TAFA2: variants seen among roughly 807,000 people sequenced by gnomAD.
TAFA2 encodes the protein TAFA chemokine like family member 2.
A neutral mutation model predicts 18.8 loss-of-function variants in TAFA2; 7 were observed. That is an observed-to-expected ratio of 0.37 (90% CI 0.21 to 0.70). TAFA2 has a LOEUF of 0.70. Among genes scored for constraint, TAFA2 ranks in the 30% least tolerant of loss-of-function variants. The probability of loss-of-function intolerance (pLI) is 0.53; values close to 1 mark genes in which losing one functional copy is unlikely to be tolerated. For missense variants in TAFA2, 122 were observed against 158.1 expected, an observed-to-expected ratio of 0.77 and a Z score of 1.23; for synonymous variants, 60 against 54.2, an observed-to-expected ratio of 1.11 and a Z score of -0.47.
chr12:62,219,283 G>A (rs1741145270), intron 1 of TAFA2, among the ~76,000 whole-genome samples: 1 of 152,042 alleles, frequency 6.6e-6, no homozygotes, highest in African/African-American at 2.4e-5. Flanking sequence ...ATTAGCTTCG[G>A]TTAAAACTGT....
chr12:62,051,963 C>T (rs899321546), intron 1 of TAFA2, among the ~76,000 whole-genome samples: 1 of 152,052 alleles, frequency 6.6e-6, no homozygotes, highest in Admixed American at 6.5e-5. Context: ...TATGAAAGCA[C>T]TAATAGACAA....
intron 1 of TAFA2, among the ~76,000 whole-genome samples, chr12:62,119,748 C>G (rs1477567232): frequency 6.6e-6 from 1 of 152,100 alleles, no homozygotes; most frequent in Non-Finnish European, 1.5e-5. Context: ...TCTGTTTCTG[C>G]TCCATCATGG....
intron 1 of TAFA2, chr12:62,253,366 C>T (rs2062923752): frequency 6.6e-6 from 1 of 152,208 alleles, no homozygotes; most frequent in Admixed American, 6.5e-5. Context: ...TCTAACATTT[C>T]TTCTTCCTTA....
chr12:61,997,167 ATG>A (rs35419865), intron 1 of TAFA2, among the ~76,000 whole-genome samples: 148 of 145,638 alleles, frequency 1.0e-3, no homozygotes, highest in South Asian at 5.5e-3. Flanking sequence ...ATATGTATAT[ATG>A]TGTGTGTGTG....
chr12:62,117,793 A>C (rs1486858097), intron 1 of TAFA2, among the ~76,000 whole-genome samples: 2 of 152,146 alleles, frequency 1.3e-5, no homozygotes, highest in Non-Finnish European at 2.9e-5. Flanking sequence ...TAGCAACAAA[A>C]TAGAGCCTGC....
At chr12:62,104,733 C>T (rs1444222725) in intron 1 of TAFA2, 5 of 455,130 alleles carry the variant, frequency 1.1e-5, no homozygotes, top group South Asian at 7.8e-5. Flanking sequence ...CACGCTTCAT[C>T]CTAAATTTAC....
chr12:62,089,585 G>A (rs1868621615), intron 1 of TAFA2, among the ~76,000 whole-genome samples: 1 of 151,922 alleles, frequency 6.6e-6, no homozygotes, highest in Admixed American at 6.6e-5. Flanking sequence ...AGCGAGCGAG[G>A]GAGAGAAAGG....
At chr12:61,902,039 C>T (rs1876124681) in intron 1 of TAFA2, among the ~76,000 whole-genome samples, 1 of 146,306 alleles carries the variant, frequency 6.8e-6, no homozygotes, top group African/African-American at 2.6e-5. Flanking sequence ...GAACCTCTGC[C>T]AGTTAAACTA....
chr12:62,220,158 A>C (rs1208819053), intron 1 of TAFA2, among the ~76,000 whole-genome samples: 1 of 152,150 alleles, frequency 6.6e-6, no homozygotes, highest in African/African-American at 2.4e-5. Context: ...GAACAAAGTA[A>C]AAGTCAAATG....
At chr12:61,918,107 C>A (rs994696042) in intron 1 of TAFA2, among the ~76,000 whole-genome samples, 8 of 151,918 alleles carry the variant, frequency 5.3e-5, no homozygotes, top group Non-Finnish European at 1.5e-5. Flanking sequence ...GTAATAATCA[C>A]ATGAGGGTAA....
intron 3 of TAFA2, 142 bp downstream of exon 3, chr12:61,754,730 C>A: frequency 1.3e-6 from 1 of 774,664 alleles, no homozygotes; most frequent in Non-Finnish European, 1.9e-6. Context: ...AAATGCCACC[C>A]AAATATTCTA....
intron 1 of TAFA2, among the ~76,000 whole-genome samples, chr12:62,031,414 G>C (rs1012799256): frequency 6.6e-6 from 1 of 152,122 alleles, no homozygotes; most frequent in South Asian, 2.1e-4. Context: ...GGCTCTCTTT[G>C]CTCCTCAGCC....
chr12:62,042,784 C>T (rs348678), intron 1 of TAFA2, among the ~76,000 whole-genome samples: 1 of 151,830 alleles, frequency 6.6e-6, no homozygotes, highest in African/African-American at 2.4e-5. Flanking sequence ...CCAGCGGGGT[C>T]GCCTGTAAGC....
At chr12:62,084,238 C>A (rs977646716) in intron 1 of TAFA2, among the ~76,000 whole-genome samples, 14 of 152,124 alleles carry the variant, frequency 9.2e-5, no homozygotes, top group African/African-American at 3.4e-4. Context: ...TTTGAGAGCA[C>A]AAAACCACTT....
At chr12:61,819,997 C>T (rs1872252485) in intron 2 of TAFA2, among the ~76,000 whole-genome samples, 1 of 151,940 alleles carries the variant, frequency 6.6e-6, no homozygotes, top group Admixed American at 6.6e-5. Context: ...TTTTGTTAAA[C>T]GTTTAGCTGA....
At chr12:62,010,995 C>CTT (rs1304417120) in intron 1 of TAFA2, among the ~76,000 whole-genome samples, 2 of 113,908 alleles carry the variant, frequency 1.8e-5, no homozygotes, top group Admixed American at 9.8e-5. Flanking sequence ...CCCGGCCACC[C>CTT]CGTCTGGGAA....
chr12:61,755,428 G>A (rs952783374), intron 2 of TAFA2, among the ~76,000 whole-genome samples: 5 of 152,074 alleles, frequency 3.3e-5, no homozygotes, highest in African/African-American at 4.8e-5. Context: ...TCTCAAAGTG[G>A]GTGGTTGCTG....
intron 1 of TAFA2, among the ~76,000 whole-genome samples, chr12:62,210,857 G>T (rs140525591): frequency 9.3e-4 from 141 of 152,264 alleles, no homozygotes; most frequent in African/African-American, 3.3e-3. Context: ...AACGTATATT[G>T]TCTTTTCACA....
At chr12:62,067,995 A>G (rs1192352266) in intron 1 of TAFA2, among the ~76,000 whole-genome samples, 1 of 151,856 alleles carries the variant, frequency 6.6e-6, no homozygotes, top group African/African-American at 2.4e-5. Flanking sequence ...TTCTTCTAAA[A>G]AAAGGAAAAT....
Sources: gnomAD v4.1 joint callset for allele counts (sites outside exome capture counted in the v4.1 genomes callset) on GRCh38, gnomAD v4.1.1 for gene constraint, MANE v1.5 for transcripts, NCBI Gene and HGNC (gene_info 2026-07-23, HGNC 2026-07-21) for gene names.